The following PHIP variants were observed in gnomAD, a reference collection of about 807,000 sequenced individuals.
The protein encoded by PHIP is PH-interacting protein.
In PHIP, 54 loss-of-function variants were observed where a neutral mutation model predicts 236.8. That is an observed-to-expected ratio of 0.23 (90% CI 0.18 to 0.29). The LOEUF (loss-of-function observed/expected upper bound fraction) is 0.29, where lower values mean the gene tolerates loss of function less well. Among genes scored for constraint, PHIP ranks in the 10% least tolerant of loss-of-function variants. The pLI is 1.00. For missense variants in PHIP, 1,370 were observed against 2,190.8 expected (o/e 0.63, Z 7.48); for synonymous variants, 756 against 718.9 (o/e 1.05, Z -0.83).
At chr6:79,014,267 A>T (rs1770733045) in intron 15 of PHIP, among the ~76,000 whole-genome samples, 1 of 151,730 alleles carries the variant, frequency 6.6e-6, no homozygotes, top group African/African-American at 2.4e-5. Flanking sequence ...TTTGTGAAAT[A>T]ATTTATTTGG....
chr6:79,041,715 G>C (rs1470662043), intron 7 of PHIP, among the ~76,000 whole-genome samples: 1 of 152,038 alleles, frequency 6.6e-6, no homozygotes, highest in African/African-American at 2.4e-5. Context: ...AGCAAATATA[G>C]AGATGCCTAT....
intron 29 of PHIP, among the ~76,000 whole-genome samples, 164 bp downstream of exon 29, chr6:78,965,539 C>A (rs996938034): frequency 2.6e-5 from 4 of 152,164 alleles, no homozygotes; most frequent in African/African-American, 9.7e-5. Flanking sequence ...TTCTTCACTG[C>A]TGAATCTCCC....
chr6:79,044,123 T>C (rs1018647713), intron 6 of PHIP, among the ~76,000 whole-genome samples: 1 of 152,012 alleles, frequency 6.6e-6, no homozygotes, highest in Non-Finnish European at 1.5e-5. Flanking sequence ...AAAAAATCTT[T>C]GGGCCTGGTG....
chr6:78,958,108 ATTG>A (rs968052262), intron 32 of PHIP: 10 of 160,622 alleles, frequency 6.2e-5, no homozygotes, highest in African/African-American at 1.9e-4. Flanking sequence ...CACCTGTAAG[ATTG>A]TTATTTGGGT....
At chr6:79,067,648 C>T (rs997211801) in intron 4 of PHIP, 3 of 152,220 alleles carry the variant, frequency 2.0e-5, no homozygotes, top group African/African-American at 2.4e-5. Flanking sequence ...ATCTCCTGCA[C>T]AATTTACCCA....
chr6:79,009,694 T>C (rs936035652), intron 15 of PHIP, among the ~76,000 whole-genome samples: 2 of 152,068 alleles, frequency 1.3e-5, no homozygotes, highest in Non-Finnish European at 2.9e-5. Context: ...TATAATTTCA[T>C]ATACCTTCTC....
intron 7 of PHIP, among the ~76,000 whole-genome samples, chr6:79,029,156 A>G (rs1262001511): frequency 6.6e-6 from 1 of 152,060 alleles, no homozygotes; most frequent in African/African-American, 2.4e-5. Flanking sequence ...TCTTCCATCA[A>G]ATTGCCAGAG....
intron 9 of PHIP, among the ~76,000 whole-genome samples, chr6:79,022,376 C>T (rs148378075): frequency 4.7e-4 from 71 of 152,256 alleles, no homozygotes; most frequent in African/African-American, 1.5e-3. Context: ...TGACTAACTG[C>T]CACTTAGTTT....
chr6:79,064,099 G>C (rs1773510817), intron 4 of PHIP, among the ~76,000 whole-genome samples: 1 of 151,704 alleles, frequency 6.6e-6, no homozygotes, highest in South Asian at 2.1e-4. Context: ...TACCAATTCT[G>C]TCTCTTATTA....
rs1408540396 is a variant in PHIP, at chr6:79,014,480, A to C, written c.1524+602T>G. 2.6e-5 allele frequency among the ~76,000 whole-genome samples: 4 copies of C among 151,960 alleles called. No individual in the cohort carries two copies. In the East Asian group the frequency reaches 5.8e-4, roughly 22 times the overall value. On this transcript the variant is annotated intron_variant, in intron 15 of 39. Coordinates refer to ENST00000275034, the MANE Select transcript of PHIP (RefSeq NM_017934.7). Reference sequence around the variant, plus strand: ...ACTACACAAACTGCAGTAGTTGAGGAGACCTTAATACTTCATACAGTAAAT... The same window carrying C: ...ACTACACAAACTGCAGTAGTTGAGGCGACCTTAATACTTCATACAGTAAAT...
rs145421010 is a variant in PHIP, at chr6:78,940,694, T to C, written c.5465A>G (p.Ter1822=). ...EKAKANLIGW[*] ...TGAAGTAAAATATTTTGGTACAAGT[T>C]ACCAACCAATTAAATTAGCTTTTGC... The change falls in exon 40 of 40, where the codon TAA becomes TGA. Residue 1822 remains the stop codon, a stop_retained_variant. Coordinates refer to ENST00000275034, the MANE Select transcript of PHIP (RefSeq NM_017934.7). The C allele has an allele frequency of 1.7e-5, 27 of 1,607,174 alleles. No homozygotes were observed. In the African/African-American group the frequency reaches 3.5e-4, roughly 21 times the overall value.
chr6:78,979,781 G>T (rs1477519314), intron 23 of PHIP, among the ~76,000 whole-genome samples: 1 of 151,696 alleles, frequency 6.6e-6, no homozygotes, highest in Non-Finnish European at 1.5e-5. Context: ...CATTTTACTT[G>T]TTTTTTTAAA....
At chr6:79,000,565 T>C (rs1224892058) in intron 17 of PHIP, among the ~76,000 whole-genome samples, 1 of 151,994 alleles carries the variant, frequency 6.6e-6, no homozygotes. Context: ...AATAAATGAG[T>C]CTTTTCCTTA....
chr6:79,025,957 T>C lies in PHIP; in HGVS notation c.808A>G (p.Ile270Val). The C allele has an allele frequency of 1.2e-6, 2 of 1,608,126 alleles. No homozygotes were observed. Among genetic ancestry groups the C allele is most frequent in the Non-Finnish European group, 8.5e-7 (1 of 1,174,854 alleles). ...AAGACAATTACCTGTAGTGATGTAA[T>C]AGATGCACTATGGCCCTGAAGAACA... is the stretch of plus-strand genomic sequence containing the variant. ...LAVLQGHSAS[I>V]TSLQFSPLCS... Residue 270 changes from isoleucine (I) to valine (V), a missense_variant, in exon 8 of 40, where the codon ATT becomes GTT. By Grantham distance (29) the Ile-to-Val change is conservative. Transcript: ENST00000275034.
intron 30 of PHIP, 65 bp downstream of exon 30, chr6:78,963,032 A>T: frequency 7.0e-7 from 1 of 1,431,112 alleles, no homozygotes; most frequent in Non-Finnish European, 9.3e-7. Flanking sequence ...TTGGAGAATA[A>T]CAGTATTTTT....
Position 78,939,274 on chromosome 6 carries a change from G to A in PHIP, c.*1419C>T, listed in dbSNP as rs1773380867. The A allele has an allele frequency of 6.6e-6, 1 of 151,556 alleles. No individual in the cohort carries two copies. Among genetic ancestry groups the A allele is most frequent in the Non-Finnish European group, 1.5e-5 (1 of 67,662 alleles). 9.4% of individuals were successfully genotyped at this position (151,556 alleles called of 1,614,324 possible). A position where few individuals can be genotyped will look rare whatever the true frequency, so the allele number is the denominator to read the frequency against. ...TAGACAACTTAATTTTACTAATGATGCAAAAAATAATAGAATACAAGGCAC... is the reference window on the plus strand; with the variant it reads ...TAGACAACTTAATTTTACTAATGATACAAAAAATAATAGAATACAAGGCAC... On this transcript the variant is annotated 3_prime_UTR_variant, in exon 40 of 40. Coordinates refer to ENST00000275034, the MANE Select transcript of PHIP (RefSeq NM_017934.7).
chr6:78,955,621 C>T lies in PHIP; in HGVS notation c.3844G>A (p.Asp1282Asn). The T allele has an allele frequency of 1.0e-6, 1 of 997,154 alleles. No homozygotes were observed. The highest frequency in any genetic ancestry group is 1.6e-6 in the Non-Finnish European group (1 of 634,626). The allele number at this position is 997,154 out of a possible 1,614,324, so 61.8% of individuals were successfully genotyped here. Reference sequence around the variant, plus strand: ...AATGAAATATTACATACCTCAGAATCAGACAAAACTTTCTTCTTCATTGAA... The same window carrying T: ...AATGAAATATTACATACCTCAGAATTAGACAAAACTTTCTTCTTCATTGAA... ...YNSMKKKVLS[D>N]SEDEEKDADV... Residue 1282 changes from aspartate (D) to asparagine (N), a missense_variant, in exon 33 of 40, where the codon GAT becomes AAT. Asp to Asn is a conservative substitution (Grantham distance 23). This residue lies in a region of PHIP where 38 missense variants were observed against 27.6 expected (regional missense o/e 1.38). Coordinates refer to ENST00000275034, the MANE Select transcript of PHIP (RefSeq NM_017934.7).
Position 79,003,791 on chromosome 6 carries a change from C to T in PHIP, c.1592G>A (p.Cys531Tyr). 6.2e-7 allele frequency: 1 copy of T among 1,610,548 alleles called. No homozygotes were observed. The highest frequency in any genetic ancestry group is 8.5e-7 in the Non-Finnish European group (1 of 1,177,728). Residue 531 changes from cysteine to tyrosine, a missense_variant, in exon 16 of 40, where the codon TGC (cysteine) becomes TAC (tyrosine). Cys to Tyr is a radical substitution (Grantham distance 194). This residue lies in a region of PHIP where 2 missense variants were observed against 34.5 expected (regional missense o/e 0.06). Coordinates refer to ENST00000275034, the MANE Select transcript of PHIP (RefSeq NM_017934.7). ...TAAAAGATGTCCATGAGAGTCTGTGCATGCAAAATGCTGACCATCAGGAGA... is the reference window on the plus strand; with the variant it reads ...TAAAAGATGTCCATGAGAGTCTGTGTATGCAAAATGCTGACCATCAGGAGA... ...KCSPDGQHFA[C>Y]TDSHGHLLIF...
intron 29 of PHIP, among the ~76,000 whole-genome samples, chr6:78,963,637 A>G (rs573449578): frequency 6.6e-6 from 1 of 152,316 alleles, no homozygotes; most frequent in African/African-American, 2.4e-5. Flanking sequence ...TTTTCTAGAA[A>G]TACTTCAATC....
Sources: allele counts gnomAD v4.1 joint callset (sites outside exome capture counted in the v4.1 genomes callset), GRCh38; gene constraint gnomAD v4.1.1; regional missense constraint gnomAD v4.1.1; transcripts MANE v1.5; gene names NCBI Gene and HGNC (gene_info 2026-07-23, HGNC 2026-07-21).